Variants in UACA observed in about 807,000 individuals in gnomAD.
UACA encodes the protein uveal autoantigen with coiled-coil domains and ankyrin repeats, also known as nuclear membrane binding protein.
UACA carries 112 observed loss-of-function variants against 160.5 expected under a neutral mutation model. The observed-to-expected ratio is 0.70, with a 90% confidence interval of 0.60 to 0.82. The LOEUF (loss-of-function observed/expected upper bound fraction) is 0.82. Among genes scored for constraint, UACA ranks in the 40% least tolerant of loss-of-function variants. The pLI, the probability that UACA is intolerant of heterozygous loss-of-function variation, is 0.00. For synonymous variants in UACA, 557 were observed against 568.4 expected, an observed-to-expected ratio of 0.98 and a Z score of 0.29; for missense variants, 1,574 against 1,614.6, an observed-to-expected ratio of 0.97 and a Z score of 0.43.
intron 9 of UACA, chr15:70,681,574 A>AT (rs1345425274): frequency 1.3e-5 from 2 of 152,176 alleles, no homozygotes; most frequent in Non-Finnish European, 2.9e-5. Flanking sequence ...AAATATCTAT[A>AT]TATTTCAGAA....
intron 7 of UACA, among the ~76,000 whole-genome samples, chr15:70,686,527 ACATGTGCAC>A (rs1897729607): frequency 1.4e-5 from 2 of 140,304 alleles, no homozygotes; most frequent in Non-Finnish European, 3.0e-5. Flanking sequence ...GTTTTAGGGT[ACATGTGCAC>A]AATGTGCAGG....
intron 1 of UACA, among the ~76,000 whole-genome samples, chr15:70,719,033 GGAAGGGAGGAAGGAAGGGTAGAAA>G (rs1003585322): frequency 6.6e-6 from 1 of 151,502 alleles, no homozygotes; most frequent in African/African-American, 2.4e-5. Flanking sequence ...GAAGGAGGAA[GGAAGGGAGGAAGGAAGGGTAGAAA>G]GAAGGGAGGA....
intron 5 of UACA, among the ~76,000 whole-genome samples, chr15:70,690,030 A>C (rs1897871742): frequency 6.6e-6 from 1 of 152,126 alleles, no homozygotes; most frequent in Admixed American, 6.6e-5. Context: ...TCATTTTGCA[A>C]ATGAGAAAAA....
chr15:70,672,479 A>AAG (rs1025832134), intron 13 of UACA, among the ~76,000 whole-genome samples: 2 of 152,084 alleles, frequency 1.3e-5, no homozygotes, highest in African/African-American at 2.4e-5. Flanking sequence ...TGAAAGTAAA[A>AAG]AGAGAGAGAG....
At chr15:70,761,133 G>A (rs575254168) in intron 1 of UACA, among the ~76,000 whole-genome samples, 1 of 151,996 alleles carries the variant, frequency 6.6e-6, no homozygotes, top group South Asian at 2.1e-4. Flanking sequence ...AAAAAAAAAA[G>A]TCCAAGATAT....
chr15:70,744,580 G>A (rs1899643571), intron 1 of UACA, among the ~76,000 whole-genome samples: 1 of 152,150 alleles, frequency 6.6e-6, no homozygotes, highest in African/African-American at 2.4e-5. Flanking sequence ...TACCAAGCAA[G>A]GCTGACACTT....
chr15:70,722,002 A>G (rs1213944330), intron 1 of UACA, among the ~76,000 whole-genome samples: 2 of 152,204 alleles, frequency 1.3e-5, no homozygotes, highest in Admixed American at 6.5e-5. Context: ...AACATTCTGT[A>G]TCTCTATTCA....
chr15:70,727,194 AAAG>A (rs1899171311), intron 1 of UACA, among the ~76,000 whole-genome samples: 1 of 152,204 alleles, frequency 6.6e-6, no homozygotes, highest in Non-Finnish European at 1.5e-5. Context: ...CCAACAGTAT[AAAG>A]AAGGGTATAT....
chr15:70,679,608 C>A lies in UACA; in HGVS notation c.891G>T (p.Gln297His). 1 of 1,574,726 alleles carries A rather than the reference C, an allele frequency of 6.4e-7. No homozygotes were observed. The highest frequency in any genetic ancestry group is 8.6e-7 in the Non-Finnish European group (1 of 1,160,552). The change falls in exon 10 of 19, where the codon CAG becomes CAT. Residue 297 changes from glutamine (Q) to histidine (H), a missense_variant and splice_region_variant. Gln to His is a conservative substitution (Grantham distance 24). Coordinates refer to ENST00000322954, the MANE Select transcript of UACA (RefSeq NM_018003.4). Reference protein sequence around the residue: ...KSHQREHQNIQDLEIENEDLK... With the variant: ...KSHQREHQNIHDLEIENEDLK... ...GACACCATTATTTTTTTCTTTTTAC[C>A]TGAATATTTTGATGCTCCCTCTGAT... is the stretch of plus-strand genomic sequence containing the variant.
chr15:70,713,906 T>C (rs186820884), intron 1 of UACA, among the ~76,000 whole-genome samples: 22 of 152,114 alleles, frequency 1.4e-4, no homozygotes, highest in Non-Finnish European at 2.5e-4. Flanking sequence ...ACCATAAAAA[T>C]AGCACTCCCC....
chr15:70,678,720 G>T (rs1470003759), intron 10 of UACA, among the ~76,000 whole-genome samples: 1 of 151,976 alleles, frequency 6.6e-6, no homozygotes, highest in African/African-American at 2.4e-5. Context: ...ATCATTTAAC[G>T]GTGTTTCAGT....
At chr15:70,724,218 A>T (rs1315428390) in intron 1 of UACA, among the ~76,000 whole-genome samples, 7 of 152,214 alleles carry the variant, frequency 4.6e-5, no homozygotes, top group Admixed American at 3.3e-4. Flanking sequence ...TACTGCAATT[A>T]AAGAATTCTT....
chr15:70,776,175 T>C, the UACA span, among the ~76,000 whole-genome samples: 1 of 152,142 alleles, frequency 6.6e-6, no homozygotes, highest in Non-Finnish European at 1.5e-5. Flanking sequence ...AGATTCTAGA[T>C]AAATATCTCA....
rs748293056 is a variant in UACA, at chr15:70,668,287, T to C, written c.2397A>G (p.Leu799=). ...TCTCAGGAGGTACAAACACAGTTTC[T>C]AGGCGGCTTACATCCTTACTTAAGC... is the stretch of plus-strand genomic sequence containing the variant. ...NDSLSKDVSR[L]ETVFVPPEKH... Residue 799 remains leucine (L), a synonymous_variant, in exon 16 of 19, where the codon CTA becomes CTG. Coordinates refer to ENST00000322954, the MANE Select transcript of UACA (RefSeq NM_018003.4). The C allele has an allele frequency of 1.2e-6, 2 of 1,613,534 alleles. No individual in the cohort carries two copies. The highest frequency in any genetic ancestry group is 2.2e-5 in the East Asian group (1 of 44,838).
chr15:70,703,987 TG>T (rs1727552528), intron 1 of UACA, among the ~76,000 whole-genome samples: 1 of 152,174 alleles, frequency 6.6e-6, no homozygotes, highest in African/African-American at 2.4e-5. Flanking sequence ...TCTTTATCCT[TG>T]CACCGTTTTA....
rs181679649 is a variant in UACA, at chr15:70,673,233, C to T, written c.1132-1232G>A. 5.9e-3 allele frequency among the ~76,000 whole-genome samples: 895 copies of T among 152,234 alleles called. 35 individuals carry two copies. The highest frequency in any genetic ancestry group is 0.055 in the Admixed American group (838 of 15,280). On this transcript the variant is annotated intron_variant, in intron 13 of 18. Transcript: ENST00000322954. ...AAGGCTACAGTGAGTGGTGATTGCA[C>T]CACTGCACTCCAGCCTGGGTGACAG...
intron 1 of UACA, among the ~76,000 whole-genome samples, chr15:70,751,733 G>A (rs1348420481): frequency 2.0e-5 from 3 of 152,112 alleles, no homozygotes; most frequent in Non-Finnish European, 4.4e-5. Context: ...TGCTGCTCCA[G>A]GTATGATTTC....
intron 1 of UACA, among the ~76,000 whole-genome samples, chr15:70,726,945 G>A (rs1004519232): frequency 1.3e-5 from 2 of 152,142 alleles, no homozygotes; most frequent in African/African-American, 4.8e-5. Context: ...GATGAGTGGT[G>A]ATGTGGCCAG....
chr15:70,719,106 GAAGAGA>G (rs1816950484), intron 1 of UACA, among the ~76,000 whole-genome samples: 1 of 151,628 alleles, frequency 6.6e-6, no homozygotes, highest in South Asian at 2.1e-4. Context: ...AAGAGAAGAT[GAAGAGA>G]AGGAGAAGGA....
Sources: gnomAD v4.1 joint callset for allele counts (sites outside exome capture counted in the v4.1 genomes callset) on GRCh38, gnomAD v4.1.1 for gene constraint, MANE v1.5 for transcripts, NCBI Gene and HGNC (gene_info 2026-07-23, HGNC 2026-07-21) for gene names.